Variants in EPHA5 observed in about 807,000 individuals in gnomAD.
The protein encoded by EPHA5 is EPH receptor A5.
EPHA5 carries 60 observed loss-of-function variants against 105.0 expected under a neutral mutation model. The observed-to-expected ratio is 0.57, with a 90% CI of 0.46 to 0.71. EPHA5 has a LOEUF of 0.71. Among genes scored for constraint, EPHA5 ranks in the 30% least tolerant of loss-of-function variants. EPHA5 has a pLI of 0.00. For missense variants in EPHA5, 1,218 were observed against 1,274.7 expected (o/e 0.96, Z 0.68); for synonymous variants, 513 against 449.1 (o/e 1.14, Z -1.80).
intron 15 of EPHA5, among the ~76,000 whole-genome samples, chr4:65,334,206 A>G (rs1200379080): frequency 6.6e-6 from 1 of 151,922 alleles, no homozygotes; most frequent in Admixed American, 6.6e-5. Flanking sequence ...ACTTAGGTCT[A>G]TTTGCTTAAT....
chr4:65,396,371 C>G (rs1015911991), intron 8 of EPHA5, among the ~76,000 whole-genome samples: 3 of 152,162 alleles, frequency 2.0e-5, no homozygotes, highest in African/African-American at 7.2e-5. Context: ...GAATTTAACT[C>G]AAGTATTTGA....
chr4:65,355,609 G>C (rs1208532780), intron 11 of EPHA5, among the ~76,000 whole-genome samples: 1 of 151,426 alleles, frequency 6.6e-6, no homozygotes, highest in Non-Finnish European at 1.5e-5. Flanking sequence ...TCTCCCAGTA[G>C]TGATAGCCCC....
At chr4:65,433,261 T>G (rs1011346401) in intron 5 of EPHA5, among the ~76,000 whole-genome samples, 2 of 152,206 alleles carry the variant, frequency 1.3e-5, no homozygotes, top group Non-Finnish European at 2.9e-5. Context: ...GAATCTAAAC[T>G]TAATTTAGGT....
intron 3 of EPHA5, among the ~76,000 whole-genome samples, chr4:65,578,306 A>G (rs929062626): frequency 6.6e-6 from 1 of 152,102 alleles, no homozygotes; most frequent in African/African-American, 2.4e-5. Context: ...ACTTCTTCCT[A>G]TAGTTTTATG....
intron 5 of EPHA5, among the ~76,000 whole-genome samples, chr4:65,422,718 T>C (rs1443452589): frequency 6.6e-6 from 1 of 152,078 alleles, no homozygotes; most frequent in Non-Finnish European, 1.5e-5. Context: ...TAGTATGATA[T>C]GCAAAATGGA....
chr4:65,656,858 CA>C (rs1560829774), intron 1 of EPHA5, among the ~76,000 whole-genome samples: 1 of 150,758 alleles, frequency 6.6e-6, no homozygotes, highest in East Asian at 1.9e-4. Flanking sequence ...AAATTTAATT[CA>C]AAGAACTTTT....
At chr4:65,532,923 A>G (rs1735956398) in intron 3 of EPHA5, among the ~76,000 whole-genome samples, 1 of 151,984 alleles carries the variant, frequency 6.6e-6, no homozygotes, top group Admixed American at 6.6e-5. Context: ...CCAATTTTCA[A>G]TTGTCTTTTC....
intron 2 of EPHA5, among the ~76,000 whole-genome samples, chr4:65,627,178 T>C (rs1187335616): frequency 6.6e-6 from 1 of 152,210 alleles, no homozygotes; most frequent in Non-Finnish European, 1.5e-5. Flanking sequence ...CTTATTTCTA[T>C]CACTGCATTC....
chr4:65,626,125 T>C (rs969335236), intron 2 of EPHA5, among the ~76,000 whole-genome samples: 21 of 151,300 alleles, frequency 1.4e-4, no homozygotes, highest in East Asian at 3.9e-4. Context: ...AAATGCACTT[T>C]TAAAAAATGT....
At chr4:65,572,851 C>T (rs1003682071) in intron 3 of EPHA5, among the ~76,000 whole-genome samples, 27 of 150,168 alleles carry the variant, frequency 1.8e-4, no homozygotes, top group East Asian at 1.0e-3. Context: ...GCCAACATAG[C>T]GAAACCCCGT....
intron 3 of EPHA5, among the ~76,000 whole-genome samples, chr4:65,581,506 G>A (rs1741623445): frequency 6.6e-6 from 1 of 151,564 alleles, no homozygotes; most frequent in Admixed American, 6.6e-5. Context: ...TGGCAGAGGT[G>A]GTATTTGAAA....
intron 15 of EPHA5, among the ~76,000 whole-genome samples, chr4:65,333,537 GTC>G (rs1273038010): frequency 4.5e-4 from 14 of 31,368 alleles, no homozygotes; most frequent in African/African-American, 1.4e-3. Context: ...GAGAGTGTGT[GTC>G]TGTGTGTGTG....
intron 8 of EPHA5, among the ~76,000 whole-genome samples, chr4:65,386,515 A>G (rs1374763375): frequency 6.6e-6 from 1 of 151,924 alleles, no homozygotes; most frequent in East Asian, 1.9e-4. Context: ...AATGACAGAA[A>G]TAGTAAGATA....
Position 65,555,580 on chromosome 4 carries a change from G to A in EPHA5, c.910+46061C>T, listed in dbSNP as rs1333586450. Among the ~76,000 whole-genome samples the A allele has an allele frequency of 3.3e-5, 5 of 150,824 alleles. No individual in the cohort carries two copies. The East Asian group carries it at 5.8e-4, about 18-fold the overall frequency. ...TAAAAAAAAAAAAACTCCATCTTCT[G>A]TTTTCTCCAAAGTTACTAGTTTTGT... On this transcript the variant is annotated intron_variant, in intron 3 of 16. Transcript: ENST00000613740.
chr4:65,438,054 C>A (rs1251634992), intron 5 of EPHA5, among the ~76,000 whole-genome samples: 2 of 151,882 alleles, frequency 1.3e-5, no homozygotes, highest in Admixed American at 6.6e-5. Flanking sequence ...TAGGATCATT[C>A]TTTTATTTAA....
At chr4:65,602,904 T>C (rs1004672213) in intron 2 of EPHA5, among the ~76,000 whole-genome samples, 14 of 152,124 alleles carry the variant, frequency 9.2e-5, no homozygotes, top group African/African-American at 3.4e-4. Flanking sequence ...ACTGAACCCA[T>C]CTATTCAGGA....
intron 5 of EPHA5, among the ~76,000 whole-genome samples, chr4:65,474,384 A>C (rs978841132): frequency 1.3e-5 from 2 of 152,172 alleles, no homozygotes; most frequent in Admixed American, 6.5e-5. Context: ...AAAGCAAATA[A>C]AATTCACTGT....
At chr4:65,522,206 C>A (rs746189611) in intron 3 of EPHA5, among the ~76,000 whole-genome samples, 3 of 151,398 alleles carry the variant, frequency 2.0e-5, no homozygotes, top group Non-Finnish European at 2.9e-5. Context: ...GTCCTAATTC[C>A]TTAAGATTAC....
intron 8 of EPHA5, among the ~76,000 whole-genome samples, chr4:65,383,125 A>G (rs1719730038): frequency 6.7e-6 from 1 of 150,200 alleles, no homozygotes; most frequent in Non-Finnish European, 1.5e-5. Context: ...CATATATATC[A>G]GATATATGAT....
Sources: gnomAD v4.1 joint callset for allele counts (sites outside exome capture counted in the v4.1 genomes callset) on GRCh38, gnomAD v4.1.1 for gene constraint, MANE v1.5 for transcripts, NCBI Gene and HGNC (gene_info 2026-07-23, HGNC 2026-07-21) for gene names.